NISCH: variants seen among roughly 807,000 people sequenced by gnomAD.
The protein encoded by NISCH is nischarin.
Under a neutral mutation model 138.4 loss-of-function variants are expected in NISCH, and 55 were observed. The observed-to-expected ratio is 0.40, with a 90% confidence interval of 0.32 to 0.50. The LOEUF (loss-of-function observed/expected upper bound fraction) is 0.50, where lower values mean the gene tolerates loss of function less well. Among genes scored for constraint, NISCH ranks in the 20% least tolerant of loss-of-function variants. The pLI is 0.71. For synonymous variants in NISCH, 860 were observed against 861.5 expected (o/e 1.00, Z 0.03); for missense variants, 1,643 against 2,005.5 (o/e 0.82, Z 3.45).
rs957905702 is a variant in NISCH at position 52,492,732 on chromosome 3, G to C, written c.*250G>C. The stretch of plus-strand genomic sequence containing the variant: ...TGGTACAGCCGTGCACACCAGTGTC[G>C]TGTCTGCTGTTGTGGGACCGTTGTT... On this transcript the variant is annotated 3_prime_UTR_variant, in exon 21 of 21. Coordinates refer to ENST00000345716, the MANE Select transcript of NISCH (RefSeq NM_007184.4). The C allele has an allele frequency of 1.7e-5, 9 of 535,616 alleles. No individual in the cohort carries two copies. The highest frequency in any genetic ancestry group is 1.5e-4 in the African/African-American group (8 of 53,284). 33.2% of individuals were successfully genotyped at this position (535,616 alleles called of 1,614,324 possible).
chr3:52,479,753 G>T lies in NISCH; in HGVS notation c.1307G>T (p.Cys436Phe). Residue 436 changes from cysteine to phenylalanine, a missense_variant, in exon 12 of 21, where the codon TGT becomes TTT. Transcript: ENST00000345716. ...GCCACTTTCTGGATGCTCTAGGTCT[G>T]TCTGGATGACACAGTGACCACAGAG... ...AQFGERASEV[C>F]LDDTVTTEKE... 1 of 1,612,184 alleles carries T rather than the reference G, an allele frequency of 6.2e-7. No homozygotes were observed. The highest frequency in any genetic ancestry group is 8.5e-7 in the Non-Finnish European group (1 of 1,179,002).
At chr3:52,455,967 A>G (rs1246092256) in intron 1 of NISCH, among the ~76,000 whole-genome samples, 1 of 138,330 alleles carries the variant, frequency 7.2e-6, no homozygotes, top group Non-Finnish European at 1.5e-5. Flanking sequence ...GTACGCGATC[A>G]GAAAGGGAGG....
intron 3 of NISCH, among the ~76,000 whole-genome samples, chr3:52,465,248 A>G (rs897632820): frequency 5.3e-5 from 8 of 150,434 alleles, no homozygotes; most frequent in Admixed American, 2.0e-4. Flanking sequence ...TCCCACCTCA[A>G]CCCCCCAAGT....
chr3:52,484,269 T>C (rs555000733), intron 13 of NISCH: 6 of 459,890 alleles, frequency 1.3e-5, no homozygotes, highest in Non-Finnish European at 2.0e-5. Flanking sequence ...TTTTTTTCCA[T>C]TGCATTTATT....
rs1412057016 is a variant in NISCH at position 52,488,503 on chromosome 3, C to T, written c.3011C>T (p.Ser1004Leu). Reference sequence around the variant, plus strand: ...CGCGTCTACAACCAGCTGCGGGCCTCGCTGCAGGACCTGAAGACTGTGGTC... The same window carrying T: ...CGCGTCTACAACCAGCTGCGGGCCTTGCTGCAGGACCTGAAGACTGTGGTC... ...FLRVYNQLRA[S>L]LQDLKTVVIA... Residue 1004 changes from serine (S) to leucine (L), a missense_variant, in exon 16 of 21, where the codon TCG becomes TTG. Ser to Leu is a moderately radical substitution (Grantham distance 145). Transcript: ENST00000345716. 4.3e-6 allele frequency: 7 copies of T among 1,613,212 alleles called. No individual in the cohort carries two copies. The highest frequency in any genetic ancestry group is 1.7e-5 in the Admixed American group (1 of 60,012).
chr3:52,480,914 T>C, intron 13 of NISCH: 10 of 1,534,320 alleles, frequency 6.5e-6, no homozygotes, highest in Non-Finnish European at 8.7e-6. Context: ...GCAGGTCTCA[T>C]GAGCGTGTCT....
chr3:52,460,347 G>A (rs1706598675), intron 3 of NISCH, among the ~76,000 whole-genome samples: 1 of 151,172 alleles, frequency 6.6e-6, no homozygotes, highest in African/African-American at 2.4e-5. Context: ...AGCAGACACT[G>A]TCTCAAAAAA....
chr3:52,481,909 T>G, intron 13 of NISCH: 9 of 985,440 alleles, frequency 9.1e-6, no homozygotes, highest in Non-Finnish European at 1.1e-5. Context: ...GCAGTGGATG[T>G]CTTTGTGTGC....
At chr3:52,485,358 C>G (rs1456531120) in intron 14 of NISCH, among the ~76,000 whole-genome samples, 2 of 152,204 alleles carry the variant, frequency 1.3e-5, no homozygotes, top group Non-Finnish European at 2.9e-5. Context: ...CAAGAGATTC[C>G]CAAGCCCTAG....
At position 52,471,905 on chromosome 3, in the gene NISCH, G is replaced by C; in HGVS notation, c.501G>C (p.Thr167=). 2.5e-6 allele frequency: 4 copies of C among 1,613,080 alleles called. No individual in the cohort carries two copies. The highest frequency in any genetic ancestry group is 3.4e-6 in the Non-Finnish European group (4 of 1,179,416). Residue 167 remains threonine, a synonymous_variant, in exon 5 of 21, where the codon ACG becomes ACC. Coordinates refer to ENST00000345716, the MANE Select transcript of NISCH (RefSeq NM_007184.4). ...VTEQLQQGKP[T]CASGDAKTDL... is the part of the protein sequence containing the mutation. ...AGCAGCTGCAGCAGGGAAAGCCCACGTGCGCCAGTGGGGATGCCAAGACCG... is the reference window on the plus strand; with the variant it reads ...AGCAGCTGCAGCAGGGAAAGCCCACCTGCGCCAGTGGGGATGCCAAGACCG...
At position 52,487,143 on chromosome 3, in the gene NISCH, A is replaced by G. The variant is rs1578309439; in HGVS notation, c.1704-53A>G. 9.7e-6 allele frequency: 15 copies of G among 1,551,196 alleles called. No homozygotes were observed. ...GTGGGCTCCAGATGTGGCAGGTGGG[A>G]GGTGGGAGGGGCCCCTCCCAGCATG... is the stretch of plus-strand genomic sequence containing the variant. On this transcript the variant is annotated intron_variant, in intron 15 of 20. Coordinates refer to ENST00000345716, the MANE Select transcript of NISCH (RefSeq NM_007184.4). The surrounding 1 kb of genome is among the most constrained non-coding windows in gnomAD (Gnocchi z 9.1).
chr3:52,459,371 A>G (rs1308819034), intron 3 of NISCH, among the ~76,000 whole-genome samples: 1 of 152,234 alleles, frequency 6.6e-6, no homozygotes, highest in Non-Finnish European at 1.5e-5. Context: ...AACAACTTTC[A>G]TAGGTTGCCG....
rs200762525 is a variant in NISCH, at chr3:52,489,590, C to T, written c.3368C>T (p.Ser1123Leu). ...ACCTCGGAGGAGAATCAGATCCCCT[C>T]GCACTTGCCTGCCTGCCCGTCGCTC... ...QATSEENQIP[S>L]HLPACPSLRH... Residue 1123 changes from serine (S) to leucine (L), a missense_variant, in exon 17 of 21, where the codon TCG becomes TTG. By Grantham distance (145) the Ser-to-Leu change is moderately radical. Transcript: ENST00000345716. 121 of 1,613,212 alleles carry T rather than the reference C, an allele frequency of 7.5e-5. No homozygotes were observed. Among genetic ancestry groups the T allele is most frequent in the African/African-American group, 1.3e-4 (10 of 75,072 alleles).
chr3:52,490,411 A>G (rs1236400049), intron 18 of NISCH, among the ~76,000 whole-genome samples, 180 bp downstream of exon 18: 2 of 152,160 alleles, frequency 1.3e-5, no homozygotes, highest in Non-Finnish European at 2.9e-5. Flanking sequence ...CCATGGCCAG[A>G]TGTGAACGCA....
At chr3:52,466,313 C>T (rs530078711) in intron 3 of NISCH, among the ~76,000 whole-genome samples, 12 of 152,244 alleles carry the variant, frequency 7.9e-5, no homozygotes, top group African/African-American at 2.9e-4. Flanking sequence ...CGCCTGTAAT[C>T]CCAGCACTTT....
chr3:52,486,976 C>T (rs917541924), intron 15 of NISCH, among the ~76,000 whole-genome samples: 3 of 152,354 alleles, frequency 2.0e-5, no homozygotes, highest in Middle Eastern at 3.4e-3. Context: ...CCCCTAGAAG[C>T]ATAGACTCTG....
chr3:52,459,465 G>T (rs990594544), intron 3 of NISCH, among the ~76,000 whole-genome samples: 1 of 152,206 alleles, frequency 6.6e-6, no homozygotes, highest in South Asian at 2.1e-4. Flanking sequence ...ACGGAGTCTT[G>T]CTCTGTCACC....
chr3:52,490,483 G>C (rs930699649), intron 18 of NISCH, among the ~76,000 whole-genome samples: 1 of 152,194 alleles, frequency 6.6e-6, no homozygotes, highest in Non-Finnish European at 1.5e-5. Flanking sequence ...AAGGGGTTAG[G>C]CAGCCTTTGC....
chr3:52,479,979 C>T (rs1707221551), intron 12 of NISCH, 117 bp downstream of exon 12: 1 of 993,870 alleles, frequency 1.0e-6, no homozygotes, highest in Admixed American at 2.3e-5. Context: ...CTGCGCCCCT[C>T]CCTGGCTGCA....
Sources: allele counts gnomAD v4.1 joint callset (sites outside exome capture counted in the v4.1 genomes callset), GRCh38; gene constraint gnomAD v4.1.1; non-coding constraint Gnocchi (gnomAD v3.1); transcripts MANE v1.5; gene names NCBI Gene and HGNC (gene_info 2026-07-23, HGNC 2026-07-21).